Variants in BCL2 observed in about 807,000 individuals in gnomAD.
BCL2 encodes apoptosis regulator Bcl-2.
In BCL2, 1 loss-of-function variant was observed where a neutral mutation model predicts 14.2. That is an observed-to-expected ratio of 0.07 (90% CI 0.02 to 0.33). The LOEUF (loss-of-function observed/expected upper bound fraction) is 0.33, where lower values mean the gene tolerates loss of function less well. Among genes scored for constraint, BCL2 ranks in the 10% least tolerant of loss-of-function variants. The pLI, the probability that BCL2 is intolerant of heterozygous loss-of-function variation, is 0.99. For synonymous variants in BCL2, 151 were observed against 137.2 expected (o/e 1.10, Z -0.70); for missense variants, 247 against 305.9 (o/e 0.81, Z 1.44).
chr18:63,153,380 T>C (rs775328221), intron 2 of BCL2, among the ~76,000 whole-genome samples: 2 of 152,210 alleles, frequency 1.3e-5, no homozygotes, highest in Non-Finnish European at 2.9e-5. Context: ...CATTTTTGCA[T>C]TGAACTGTCA....
intron 2 of BCL2, among the ~76,000 whole-genome samples, chr18:63,157,157 G>A (rs1914804009): frequency 6.6e-6 from 1 of 152,232 alleles, no homozygotes; most frequent in African/African-American, 2.4e-5. Context: ...AGCCTCTTGT[G>A]TAAAAAACCA....
chr18:63,131,064 G>A (rs1914055273), intron 2 of BCL2, among the ~76,000 whole-genome samples: 1 of 152,048 alleles, frequency 6.6e-6, no homozygotes, highest in South Asian at 2.1e-4. Flanking sequence ...AGAGGCCGCG[G>A]ATGCTGTTCA....
intron 2 of BCL2, among the ~76,000 whole-genome samples, chr18:63,141,178 C>G (rs1033106548): frequency 6.6e-6 from 1 of 152,230 alleles, no homozygotes; most frequent in Non-Finnish European, 1.5e-5. Flanking sequence ...TCTCTCCGCT[C>G]TACCATCTGG....
In BCL2 at chr18:63,318,913, T is replaced by C; in HGVS notation, c.-247A>G. ...TTTATTTCATGAGGCACGTTATTAT[T>C]AGTAAGTATTGTTAATATCAGTCTA... On this transcript the variant is annotated 5_prime_UTR_variant, in exon 2 of 3. Transcript: ENST00000333681. This position sits in a 1 kb window ranked among gnomAD's most constrained non-coding sequence, Gnocchi z 7.4. The C allele has an allele frequency of 7.1e-7, 1 of 1,400,982 alleles. No individual in the cohort carries two copies. The highest frequency in any genetic ancestry group is 9.3e-7 in the Non-Finnish European group (1 of 1,073,064). The allele number at this position is 1,400,982 out of a possible 1,614,324, so 86.8% of individuals were successfully genotyped here. A position where few individuals can be genotyped will look rare whatever the true frequency, so the allele number is the denominator to read the frequency against.
intron 2 of BCL2, among the ~76,000 whole-genome samples, chr18:63,274,277 CTTTTTTTTTT>C (rs74169950): frequency 1.2e-5 from 1 of 86,752 alleles, no homozygotes; most frequent in Non-Finnish European, 2.2e-5. Context: ...TAAAGATACT[CTTTTTTTTTT>C]TTTTTTTTTT....
At chr18:63,223,717 TC>T (rs1342517250) in intron 2 of BCL2, among the ~76,000 whole-genome samples, 1 of 152,240 alleles carries the variant, frequency 6.6e-6, no homozygotes, top group East Asian at 1.9e-4. Context: ...TCCCTGGTTT[TC>T]CCATTAGGAG....
intron 2 of BCL2, among the ~76,000 whole-genome samples, chr18:63,262,336 G>A (rs923085233): frequency 6.6e-6 from 1 of 152,188 alleles, no homozygotes; most frequent in Admixed American, 6.5e-5. Context: ...TCAGTAGTTG[G>A]TAGTGTGGCT....
chr18:63,251,298 TC>T, intron 2 of BCL2, among the ~76,000 whole-genome samples: 1 of 151,912 alleles, frequency 6.6e-6, no homozygotes, highest in East Asian at 1.9e-4. Context: ...ATTGGAACAG[TC>T]CTTGGAAAAG....
chr18:63,312,478 T>C (rs187432623), intron 2 of BCL2, among the ~76,000 whole-genome samples: 6 of 152,378 alleles, frequency 3.9e-5, no homozygotes, highest in East Asian at 1.9e-4. Context: ...TATAAAAATA[T>C]GTTTTTAAGT....
chr18:63,152,358 C>A (rs1259712451), intron 2 of BCL2, among the ~76,000 whole-genome samples: 1 of 152,216 alleles, frequency 6.6e-6, no homozygotes, highest in Non-Finnish European at 1.5e-5. Context: ...CTCTACTTGG[C>A]AACACCTCGT....
At chr18:63,285,092 G>A (rs1414224053) in intron 2 of BCL2, among the ~76,000 whole-genome samples, 1 of 152,216 alleles carries the variant, frequency 6.6e-6, no homozygotes, top group African/African-American at 2.4e-5. Context: ...GCCCACAGCT[G>A]GCTCACCTGC....
chr18:63,206,874 G>A (rs1008492434), intron 2 of BCL2, among the ~76,000 whole-genome samples: 6 of 151,956 alleles, frequency 3.9e-5, no homozygotes, highest in Non-Finnish European at 7.4e-5. Context: ...GGAAGAGGCC[G>A]GTCAGAGGAA....
At chr18:63,311,565 GTGGAGTCAGTCATCAGTTTCTGAC>G (rs1429247271) in intron 2 of BCL2, among the ~76,000 whole-genome samples, 1 of 152,170 alleles carries the variant, frequency 6.6e-6, no homozygotes, top group African/African-American at 2.4e-5. Context: ...AATGAGCAGA[GTGGAGTCAGTCATCAGTTTCTGAC>G]TCATTACATG....
At chr18:63,217,494 G>A (rs1225096300) in intron 2 of BCL2, among the ~76,000 whole-genome samples, 1 of 152,172 alleles carries the variant, frequency 6.6e-6, no homozygotes, top group Non-Finnish European at 1.5e-5. Context: ...TTCAGGATAG[G>A]CTGGTCAGAA....
intron 2 of BCL2, among the ~76,000 whole-genome samples, chr18:63,234,804 A>C (rs1910778586): frequency 6.6e-6 from 1 of 152,220 alleles, no homozygotes; most frequent in Non-Finnish European, 1.5e-5. Context: ...TAAAAATGCA[A>C]ACAGAGATAG....
intron 2 of BCL2, among the ~76,000 whole-genome samples, chr18:63,291,070 T>C (rs1912630744): frequency 6.6e-6 from 1 of 152,144 alleles, no homozygotes; most frequent in South Asian, 2.1e-4. Context: ...CCCACAGCTG[T>C]TTTCCACGAA....
intron 2 of BCL2, among the ~76,000 whole-genome samples, chr18:63,227,375 T>A (rs1434903867): frequency 6.6e-6 from 1 of 152,216 alleles, no homozygotes; most frequent in African/African-American, 2.4e-5. Flanking sequence ...GCCTGGCTAA[T>A]TTTTTGTATT....
chr18:63,176,853 C>T (rs1264555849), intron 2 of BCL2, among the ~76,000 whole-genome samples: 3 of 152,036 alleles, frequency 2.0e-5, no homozygotes, highest in Non-Finnish European at 4.4e-5. Context: ...TATGTTTGTA[C>T]CCATTAATCA....
chr18:63,183,816 C>G (rs1915531977), intron 2 of BCL2, among the ~76,000 whole-genome samples: 1 of 152,186 alleles, frequency 6.6e-6, no homozygotes, highest in South Asian at 2.1e-4. Flanking sequence ...TTCTTTTGCT[C>G]TCTTCTTTTT....
Sources: gnomAD v4.1 joint callset for allele counts (sites outside exome capture counted in the v4.1 genomes callset) on GRCh38, gnomAD v4.1.1 for gene constraint, Gnocchi (gnomAD v3.1) non-coding constraint, MANE v1.5 for transcripts, NCBI Gene and HGNC (gene_info 2026-07-23, HGNC 2026-07-21) for gene names.